Variants in DTNA observed in about 807,000 individuals in gnomAD.
DTNA encodes the protein dystrobrevin alpha, also known as dystrophin-related protein 3.
DTNA carries 43 observed loss-of-function variants against 100.7 expected under a neutral mutation model. The ratio of observed to expected loss-of-function variants is 0.43; its 90% CI spans 0.33 to 0.55. DTNA has a LOEUF of 0.55. Ranked by LOEUF, DTNA falls within the 20% of genes least tolerant of loss-of-function variation. The probability of loss-of-function intolerance (pLI) is 0.04; values close to 1 mark genes in which losing one functional copy is unlikely to be tolerated. For synonymous variants in DTNA, 349 were observed against 347.9 expected, an observed-to-expected ratio of 1.00 and a Z score of -0.04; for missense variants, 798 against 953.9, an observed-to-expected ratio of 0.84 and a Z score of 2.15.
At chr18:34,713,420 T>C (rs1359544174) in intron 1 of DTNA, among the ~76,000 whole-genome samples, 1 of 152,208 alleles carries the variant, frequency 6.6e-6, no homozygotes, top group African/African-American at 2.4e-5. Context: ...CGATAGAGGC[T>C]GTCATCAAAA....
chr18:34,500,923 T>G (rs540764590), intron 1 of DTNA, among the ~76,000 whole-genome samples: 19 of 152,222 alleles, frequency 1.2e-4, no homozygotes, highest in Admixed American at 3.9e-4. Flanking sequence ...CAATTTTATT[T>G]ATTTATAATC....
At chr18:34,680,074 A>G (rs1265400987) in intron 1 of DTNA, among the ~76,000 whole-genome samples, 1 of 152,156 alleles carries the variant, frequency 6.6e-6, no homozygotes, top group Non-Finnish European at 1.5e-5. Flanking sequence ...TGAGATCGGG[A>G]TAACGTTTTA....
chr18:34,849,277 A>T (rs2096438266), intron 14 of DTNA, among the ~76,000 whole-genome samples: 1 of 152,242 alleles, frequency 6.6e-6, no homozygotes, highest in Non-Finnish European at 1.5e-5. Flanking sequence ...GGAGAATTAG[A>T]TTTTAGGACA....
intron 1 of DTNA, among the ~76,000 whole-genome samples, chr18:34,523,253 CTCTTT>C (rs1048355562): frequency 6.6e-6 from 1 of 152,146 alleles, no homozygotes; most frequent in African/African-American, 2.4e-5. Flanking sequence ...AACTATTCTT[CTCTTT>C]TCAATTTTCT....
intron 14 of DTNA, among the ~76,000 whole-genome samples, chr18:34,848,648 C>A (rs2096423914): frequency 6.6e-6 from 1 of 151,924 alleles, no homozygotes; most frequent in Admixed American, 6.6e-5. Flanking sequence ...TCAGTGTCAA[C>A]CCCATATGAA....
chr18:34,622,999 A>G (rs183238275), intron 1 of DTNA, among the ~76,000 whole-genome samples: 2 of 152,294 alleles, frequency 1.3e-5, no homozygotes, highest in Admixed American at 1.3e-4. Flanking sequence ...AAGAACCTTG[A>G]CTAATACAGA....
chr18:34,508,642 A>G (rs897075334), intron 1 of DTNA, among the ~76,000 whole-genome samples: 12 of 152,306 alleles, frequency 7.9e-5, no homozygotes, highest in African/African-American at 2.9e-4. Flanking sequence ...TCCAGCCCTG[A>G]ATATGATTCA....
intron 1 of DTNA, among the ~76,000 whole-genome samples, chr18:34,618,159 A>G (rs1274371345): frequency 2.6e-5 from 4 of 152,156 alleles, no homozygotes; most frequent in Non-Finnish European, 4.4e-5. Context: ...TTTGTCCAAG[A>G]GTACAAGGGT....
intron 1 of DTNA, among the ~76,000 whole-genome samples, chr18:34,617,896 T>C (rs151031700): frequency 6.6e-6 from 1 of 152,334 alleles, no homozygotes; most frequent in East Asian, 1.9e-4. Flanking sequence ...TGCTTTATTA[T>C]AGTGGTCTGA....
At chr18:34,547,044 A>G (rs1357840073) in intron 1 of DTNA, among the ~76,000 whole-genome samples, 1 of 152,036 alleles carries the variant, frequency 6.6e-6, no homozygotes, top group Non-Finnish European at 1.5e-5. Context: ...TGCTGTTATG[A>G]TATTATCTAA....
intron 1 of DTNA, among the ~76,000 whole-genome samples, chr18:34,741,476 A>G (rs889296087): frequency 6.6e-6 from 1 of 152,168 alleles, no homozygotes; most frequent in East Asian, 1.9e-4. Context: ...ATATATTGAC[A>G]CTTAAATGGT....
At chr18:34,851,348 C>T (rs540947400) in intron 14 of DTNA, among the ~76,000 whole-genome samples, 81 of 152,270 alleles carry the variant, frequency 5.3e-4, no homozygotes, top group African/African-American at 7.0e-4. Context: ...GTGATCCGCC[C>T]GCCTCAGCCT....
chr18:34,848,208 T>G, intron 13 of DTNA, 88 bp from the exon 14 acceptor site: 2 of 1,297,224 alleles, frequency 1.5e-6, no homozygotes, highest in Non-Finnish European at 2.2e-6. Flanking sequence ...ACCAAAACAT[T>G]GAAATAGTAA....
At chr18:34,881,377 A>G (rs2096870315) in intron 20 of DTNA, among the ~76,000 whole-genome samples, 1 of 149,076 alleles carries the variant, frequency 6.7e-6, no homozygotes, top group African/African-American at 2.5e-5. Context: ...AGAGTCCCAC[A>G]TTAGGGAATG....
chr18:34,823,538 A>G (rs929534584), intron 9 of DTNA, among the ~76,000 whole-genome samples: 2 of 152,216 alleles, frequency 1.3e-5, no homozygotes, highest in Non-Finnish European at 2.9e-5. Flanking sequence ...CAGAAGGAAT[A>G]TTGTCATAGT....
intron 1 of DTNA, among the ~76,000 whole-genome samples, chr18:34,516,091 A>G (rs536771903): frequency 6.6e-6 from 1 of 152,240 alleles, no homozygotes; most frequent in South Asian, 2.1e-4. Flanking sequence ...CAATAATTCA[A>G]CGTAGGTTCT....
chr18:34,864,206 G>T (rs2150153474), intron 17 of DTNA, 144 bp downstream of exon 17: 1 of 614,870 alleles, frequency 1.6e-6, no homozygotes. Context: ...AAAACAATTT[G>T]TTAGACCAGT....
chr18:34,523,616 A>G (rs1489383971), intron 1 of DTNA, among the ~76,000 whole-genome samples: 1 of 152,102 alleles, frequency 6.6e-6, no homozygotes, highest in Non-Finnish European at 1.5e-5. Flanking sequence ...CACAATTTTC[A>G]TATATATTAT....
At chr18:34,866,713 C>G in intron 17 of DTNA, 6 of 996,314 alleles carry the variant, frequency 6.0e-6, no homozygotes, top group Non-Finnish European at 6.0e-6. Context: ...GAGAGAAAGA[C>G]TGTACTCCAT....
Sources: gnomAD v4.1 joint callset for allele counts (sites outside exome capture counted in the v4.1 genomes callset) on GRCh38, gnomAD v4.1.1 for gene constraint, MANE v1.5 for transcripts, NCBI Gene and HGNC (gene_info 2026-07-23, HGNC 2026-07-21) for gene names.